The following DPYD variants were observed in gnomAD, a reference collection of about 807,000 sequenced individuals.
DPYD encodes the protein dihydropyrimidine dehydrogenase [NADP(+)].
DPYD carries 109 observed loss-of-function variants against 116.2 expected under a neutral mutation model. The observed-to-expected ratio is 0.94, with a 90% CI of 0.80 to 1.10. The LOEUF is 1.10. Ranked by LOEUF, DPYD falls within the 50% of genes least tolerant of loss-of-function variation. The probability of loss-of-function intolerance (pLI) is 0.00; values close to 1 mark genes in which losing one functional copy is unlikely to be tolerated. For synonymous variants in DPYD, 440 were observed against 432.0 expected (o/e 1.02, Z -0.23); for missense variants, 1,302 against 1,254.5 (o/e 1.04, Z -0.57).
At chr1:97,440,493 A>G (rs1188646148) in intron 14 of DPYD, among the ~76,000 whole-genome samples, 1 of 151,956 alleles carries the variant, frequency 6.6e-6, no homozygotes, top group Non-Finnish European at 1.5e-5. Flanking sequence ...TTTTTTGGCT[A>G]TAACTCTTTG....
intron 2 of DPYD, among the ~76,000 whole-genome samples, chr1:97,847,152 A>G (rs568482086): frequency 1.3e-5 from 2 of 152,318 alleles, no homozygotes; most frequent in African/African-American, 4.8e-5. Flanking sequence ...ATGGAGTTTT[A>G]TATTTTTCCT....
At chr1:97,575,427 A>G (rs1653203742) in intron 10 of DPYD, among the ~76,000 whole-genome samples, 1 of 152,180 alleles carries the variant, frequency 6.6e-6, no homozygotes, top group Non-Finnish European at 1.5e-5. Context: ...AAAAAAATCT[A>G]AAGATACTCC....
chr1:97,544,326 G>T (rs181237821), intron 12 of DPYD, among the ~76,000 whole-genome samples: 212 of 152,230 alleles, frequency 1.4e-3, no homozygotes, highest in African/African-American at 4.9e-3. Flanking sequence ...TGGAAATGTT[G>T]ATTTTACTTG....
At chr1:97,509,918 G>A (rs1211932220) in intron 13 of DPYD, among the ~76,000 whole-genome samples, 1 of 151,846 alleles carries the variant, frequency 6.6e-6, no homozygotes, top group East Asian at 1.9e-4. Context: ...CATCAATTTA[G>A]TCCTTAATAG....
chr1:97,795,022 TAGAGAACAAATAAGAG>T (rs2101292847), intron 3 of DPYD, among the ~76,000 whole-genome samples: 1 of 152,224 alleles, frequency 6.6e-6, no homozygotes, highest in Admixed American at 6.5e-5. Flanking sequence ...ATTTTCTTTG[TAGAGAACAAATAAGAG>T]TAGGAAATAA....
At chr1:97,614,973 C>T (rs868376107) in intron 8 of DPYD, among the ~76,000 whole-genome samples, 24 of 152,178 alleles carry the variant, frequency 1.6e-4, no homozygotes, top group African/African-American at 5.5e-4. Context: ...TTTTAAAATC[C>T]AGGGCAATAT....
intron 2 of DPYD, among the ~76,000 whole-genome samples, chr1:97,867,959 T>C (rs1328709796): frequency 1.3e-5 from 2 of 151,782 alleles, no homozygotes; most frequent in East Asian, 3.9e-4. Flanking sequence ...CATGGTCTTA[T>C]GTATAGAAAA....
intron 5 of DPYD, among the ~76,000 whole-genome samples, chr1:97,702,039 A>G (rs1015102361): frequency 7.9e-5 from 12 of 151,740 alleles, no homozygotes; most frequent in Non-Finnish European, 1.8e-4. Flanking sequence ...TCCCTGTGCT[A>G]TCCAAACAGT....
chr1:97,586,461 CATACATATATATATATATATAT>C (rs1472971207), intron 10 of DPYD, among the ~76,000 whole-genome samples: 7 of 46,590 alleles, frequency 1.5e-4, no homozygotes, highest in African/African-American at 4.2e-4. Flanking sequence ...AAAATACATA[CATACATATATATATATATATAT>C]ATATATATAT....
In DPYD at chr1:97,403,435, A is replaced by G. The variant is rs115511332; in HGVS notation, c.1906-20974T>C. Among the ~76,000 whole-genome samples the G allele has an allele frequency of 3.7e-3, 559 of 151,956 alleles. 3 individuals are homozygous for G. The highest frequency in any genetic ancestry group is 0.013 in the African/African-American group (543 of 41,498). On this transcript the variant is annotated intron_variant, in intron 14 of 22. Coordinates refer to ENST00000370192, the MANE Select transcript of DPYD (RefSeq NM_000110.4). ...AATGCTCAGTAGAATTAAATAGTGA[A>G]CCCATCTGGGTCTTTTGCTTTGTTT...
At position 97,382,398 on chromosome 1, in the gene DPYD, A is replaced by C. The variant is rs1472945983; in HGVS notation, c.1969T>G (p.Ser657Ala). The C allele has an allele frequency of 1.3e-6, 2 of 1,591,182 alleles. No individual in the cohort carries two copies. The highest frequency in any genetic ancestry group is 2.7e-5 in the African/African-American group (2 of 74,456). The change falls in exon 15 of 23, where the codon TCT becomes GCT. Residue 657 changes from serine (S) to alanine (A), a missense_variant. By Grantham distance (99) the Ser-to-Ala change is moderately conservative. Coordinates refer to ENST00000370192, the MANE Select transcript of DPYD (RefSeq NM_000110.4). The stretch of plus-strand genomic sequence containing the variant: ...TATACTAAAGTAACCATTACCTCAG[A>C]CTTCTTGGCAAGTTCCGTCCAGTCA... ...KNDWTELAKK[S>A]EDSGADALEL...
chr1:97,143,128 G>GT (rs1453313833), intron 20 of DPYD, among the ~76,000 whole-genome samples: 1 of 151,508 alleles, frequency 6.6e-6, no homozygotes, highest in Non-Finnish European at 1.5e-5. Context: ...AAGGTTTCTT[G>GT]TTTTTTTAAC....
intron 19 of DPYD, among the ~76,000 whole-genome samples, chr1:97,208,217 TTTG>T (rs1429012140): frequency 1.3e-5 from 2 of 151,704 alleles, no homozygotes; most frequent in African/African-American, 4.8e-5. Context: ...CTTCTTTCTC[TTTG>T]TTTCTTTTCT....
chr1:97,474,119 T>G (rs1677816117), intron 13 of DPYD, among the ~76,000 whole-genome samples: 1 of 151,960 alleles, frequency 6.6e-6, no homozygotes, highest in Non-Finnish European at 1.5e-5. Flanking sequence ...ATTTTATTTC[T>G]GGGTGTATAT....
chr1:97,381,707 AGAG>A (rs1314747031), intron 15 of DPYD, among the ~76,000 whole-genome samples: 1 of 152,184 alleles, frequency 6.6e-6, no homozygotes, highest in Non-Finnish European at 1.5e-5. Flanking sequence ...TACATTACTG[AGAG>A]GTTTTCAAGG....
At chr1:97,689,400 G>A (rs2100944045) in intron 7 of DPYD, among the ~76,000 whole-genome samples, 1 of 152,046 alleles carries the variant, frequency 6.6e-6, no homozygotes, top group South Asian at 2.1e-4. Flanking sequence ...GGCTCTACAT[G>A]GTTCTAGTCC....
intron 3 of DPYD, among the ~76,000 whole-genome samples, chr1:97,774,154 G>T (rs12406000): frequency 1.3e-5 from 2 of 152,158 alleles, no homozygotes; most frequent in South Asian, 4.1e-4. Context: ...CCACACCACC[G>T]TTGCATGCCC....
intron 16 of DPYD, among the ~76,000 whole-genome samples, chr1:97,337,395 A>C (rs1669352240): frequency 6.6e-6 from 1 of 152,164 alleles, no homozygotes; most frequent in Admixed American, 6.5e-5. Flanking sequence ...GGACTCTATC[A>C]AATACCTCGT....
At position 97,549,579 on chromosome 1, in the gene DPYD, T is replaced by C. The variant is rs761555670; in HGVS notation, c.1505A>G (p.Tyr502Cys). ...SVNDGKQASW[Y>C]IHKYVQSQYG... ...GCCTACCTGTACGTATTTGTGAATG[T>C]ACCAAGAAGCTTGCTTTCCATCATT... The change falls in exon 12 of 23, where the codon TAC becomes TGC. Residue 502 changes from tyrosine (Y) to cysteine (C), a missense_variant. Coordinates refer to ENST00000370192, the MANE Select transcript of DPYD (RefSeq NM_000110.4). 16 of 1,613,860 alleles carry C rather than the reference T, an allele frequency of 9.9e-6. No individual in the cohort carries two copies. The highest frequency in any genetic ancestry group is 1.4e-5 in the Non-Finnish European group (16 of 1,179,826).
Sources: gnomAD v4.1 joint callset for allele counts (sites outside exome capture counted in the v4.1 genomes callset) on GRCh38, gnomAD v4.1.1 for gene constraint, MANE v1.5 for transcripts, NCBI Gene and HGNC (gene_info 2026-07-23, HGNC 2026-07-21) for gene names.